The following SND1 variants were observed in gnomAD, a reference collection of about 807,000 sequenced individuals.
SND1 encodes the protein staphylococcal nuclease domain-containing protein 1.
Under a neutral mutation model 121.7 loss-of-function variants are expected in SND1, and 38 were observed. The observed-to-expected ratio is 0.31, with a 90% CI of 0.24 to 0.41. The LOEUF (loss-of-function observed/expected upper bound fraction) is 0.41. SND1 is among the 10% of genes least tolerant of loss of function. The pLI, the probability that SND1 is intolerant of heterozygous loss-of-function variation, is 1.00. For synonymous variants in SND1, 401 were observed against 447.4 expected, an observed-to-expected ratio of 0.90 and a Z score of 1.31; for missense variants, 868 against 1,184.6, an observed-to-expected ratio of 0.73 and a Z score of 3.92.
rs142347901 is a variant in SND1 at position 127,911,821 on chromosome 7, T to C, written c.1527+7002T>C. On this transcript the variant is annotated intron_variant, in intron 14 of 23. Coordinates refer to ENST00000354725, the MANE Select transcript of SND1 (RefSeq NM_014390.4). ...GGCCCTCTTTTTTCTTTTCACCTCTTCTAAAGCATGTCTCTGCTAAGAGTT... is the reference window on the plus strand; with the variant it reads ...GGCCCTCTTTTTTCTTTTCACCTCTCCTAAAGCATGTCTCTGCTAAGAGTT... 5.8e-4 allele frequency among the ~76,000 whole-genome samples: 88 copies of C among 152,244 alleles called. 1 individual carries two copies. Among genetic ancestry groups the C allele is most frequent in the African/African-American group, 1.9e-3 (77 of 41,554 alleles).
At chr7:128,084,144 C>G (rs1228198093) in intron 18 of SND1, among the ~76,000 whole-genome samples, 2 of 152,206 alleles carry the variant, frequency 1.3e-5, no homozygotes, top group Non-Finnish European at 2.9e-5. Flanking sequence ...TACTGAGGCT[C>G]TAGGCCCTGA....
chr7:127,927,777 G>C (rs1276424611), intron 14 of SND1, among the ~76,000 whole-genome samples: 1 of 152,164 alleles, frequency 6.6e-6, no homozygotes, highest in Non-Finnish European at 1.5e-5. Flanking sequence ...GAAAACTCTT[G>C]AAATACTTGA....
Position 128,029,583 on chromosome 7 carries a change from G to A in SND1, c.1779+38527G>A. On this transcript the variant is annotated intron_variant, in intron 16 of 23. Coordinates refer to ENST00000354725, the MANE Select transcript of SND1 (RefSeq NM_014390.4). This position sits in a 1 kb window ranked among gnomAD's most constrained non-coding sequence, Gnocchi z 4.2. The stretch of plus-strand genomic sequence containing the variant: ...GTCTCGAGGTGCGTCCATGATGAAG[G>A]GGGCAGAGCACTGGAAGGAGGCCTG... The A allele has an allele frequency of 2.5e-6, 4 of 1,614,016 alleles. No homozygotes were observed. The highest frequency in any genetic ancestry group is 1.3e-5 in the African/African-American group (1 of 75,014).
At position 128,085,859 on chromosome 7, in the gene SND1, G is replaced by A; in HGVS notation, c.2304+79G>A. ...AGTCAAATCCATCTGATCTCTCCAAGGTCCCTCTGAGCTTACCAATAGAAC... is the reference window on the plus strand; with the variant it reads ...AGTCAAATCCATCTGATCTCTCCAAAGTCCCTCTGAGCTTACCAATAGAAC... On this transcript the variant is annotated intron_variant, in intron 20 of 23. Transcript: ENST00000354725. The surrounding 1 kb of genome is among the most constrained non-coding windows in gnomAD (Gnocchi z 4.4). The A allele has an allele frequency of 2.4e-6, 3 of 1,230,794 alleles. No individual in the cohort carries two copies. The highest frequency in any genetic ancestry group is 2.4e-5 in the South Asian group (2 of 81,728). The allele number at this position is 1,230,794 out of a possible 1,614,324, so 76.2% of individuals were successfully genotyped here.
chr7:127,755,576 C>A (rs527402874), intron 10 of SND1, among the ~76,000 whole-genome samples: 1 of 152,312 alleles, frequency 6.6e-6, no homozygotes, highest in South Asian at 2.1e-4. Flanking sequence ...GGTGCTTTGG[C>A]ATTTGGGAGT....
In SND1 at chr7:127,796,064, A is replaced by G. The variant is rs921509623; in HGVS notation, c.1153-11420A>G. ...AGTGGAGACGGGGTTTCACCATGTT[A>G]GCCAGGATGGTCTCGATCTCCTGAC... On this transcript the variant is annotated intron_variant, in intron 10 of 23. Transcript: ENST00000354725. Among the ~76,000 whole-genome samples, 5 of 151,902 alleles carry G rather than the reference A, an allele frequency of 3.3e-5. No individual in the cohort carries two copies. The East Asian group carries it at 7.8e-4, about 24-fold the overall frequency.
At chr7:127,843,885 T>G (rs1276329656) in intron 11 of SND1, among the ~76,000 whole-genome samples, 1 of 152,240 alleles carries the variant, frequency 6.6e-6, no homozygotes, top group Non-Finnish European at 1.5e-5. Context: ...TCCACATCCT[T>G]GCCTGCCTTT....
At chr7:127,673,351 G>A (rs1355479336) in intron 1 of SND1, among the ~76,000 whole-genome samples, 2 of 151,988 alleles carry the variant, frequency 1.3e-5, no homozygotes, top group South Asian at 2.1e-4. Flanking sequence ...TCGCTCTGTC[G>A]CCCAGGCTGG....
At chr7:128,064,007 G>A (rs1793273066) in intron 16 of SND1, among the ~76,000 whole-genome samples, 3 of 152,218 alleles carry the variant, frequency 2.0e-5, no homozygotes, top group Admixed American at 2.0e-4. Flanking sequence ...ACAAGGAAAG[G>A]ATTTCAGCAG....
chr7:127,797,448 T>A (rs1208143282), intron 10 of SND1, among the ~76,000 whole-genome samples: 3 of 152,246 alleles, frequency 2.0e-5, no homozygotes, highest in African/African-American at 7.2e-5. Flanking sequence ...CCTTTCTGCT[T>A]CATTATCCCA....
At chr7:127,669,883 T>C (rs1407263867) in intron 1 of SND1, among the ~76,000 whole-genome samples, 1 of 152,200 alleles carries the variant, frequency 6.6e-6, no homozygotes, top group African/African-American at 2.4e-5. Flanking sequence ...TTCAGCACCT[T>C]GCAGATTAAC....
intron 10 of SND1, among the ~76,000 whole-genome samples, chr7:127,801,158 T>G (rs1798119497): frequency 6.6e-6 from 1 of 152,214 alleles, no homozygotes; most frequent in African/African-American, 2.4e-5. Context: ...GTTACCACCT[T>G]TAACCAAACA....
intron 12 of SND1, among the ~76,000 whole-genome samples, chr7:127,853,450 C>T (rs1426378818): frequency 6.6e-6 from 1 of 152,146 alleles, no homozygotes; most frequent in African/African-American, 2.4e-5. Context: ...CACCACGTTA[C>T]AGGTAAGCTT....
chr7:127,818,503 C>T (rs1053621102), intron 11 of SND1, among the ~76,000 whole-genome samples: 1 of 152,234 alleles, frequency 6.6e-6, no homozygotes, highest in Non-Finnish European at 1.5e-5. Context: ...TGGACCTTGA[C>T]TGAACCCTGC....
At chr7:127,722,185 G>T (rs1796506273) in intron 10 of SND1, among the ~76,000 whole-genome samples, 1 of 152,072 alleles carries the variant, frequency 6.6e-6, no homozygotes, top group Non-Finnish European at 1.5e-5. Context: ...GTGTGATTAT[G>T]TTAACTAGTT....
chr7:127,657,250 G>A (rs1307814493), intron 1 of SND1, among the ~76,000 whole-genome samples: 1 of 152,178 alleles, frequency 6.6e-6, no homozygotes, highest in Admixed American at 6.5e-5. Flanking sequence ...CAATAAAGAA[G>A]TTAACAAGAA....
intron 10 of SND1, among the ~76,000 whole-genome samples, chr7:127,803,289 C>G (rs1228893120): frequency 6.6e-6 from 1 of 152,082 alleles, no homozygotes; most frequent in Non-Finnish European, 1.5e-5. Flanking sequence ...CAGCTGTGGC[C>G]CTGCACCCCT....
chr7:127,906,477 A>G lies in SND1; in HGVS notation c.1527+1658A>G, dbSNP rs181968642. On this transcript the variant is annotated intron_variant, in intron 14 of 23. Coordinates refer to ENST00000354725, the MANE Select transcript of SND1 (RefSeq NM_014390.4). ...GTCTTTTGGTAAAGCTGTTATAGTA[A>G]TAAAAGGGCAAATTTTTGGTGGTTC... Among the ~76,000 whole-genome samples, 183 of 152,330 alleles carry G rather than the reference A, an allele frequency of 1.2e-3. 1 individual carries two copies. Among genetic ancestry groups the G allele is most frequent in the African/African-American group, 4.0e-3 (168 of 41,572 alleles).
chr7:127,971,059 C>G (rs1419190031), intron 15 of SND1, among the ~76,000 whole-genome samples: 1 of 152,236 alleles, frequency 6.6e-6, no homozygotes, highest in African/African-American at 2.4e-5. Flanking sequence ...AATTCAAATA[C>G]TCAGATTTAT....
Sources: gnomAD v4.1 joint callset for allele counts (sites outside exome capture counted in the v4.1 genomes callset) on GRCh38, gnomAD v4.1.1 for gene constraint, Gnocchi (gnomAD v3.1) non-coding constraint, MANE v1.5 for transcripts, NCBI Gene and HGNC (gene_info 2026-07-23, HGNC 2026-07-21) for gene names.